Variants in INTS7 observed in about 807,000 individuals in gnomAD.
INTS7 encodes the protein chromosome 1 open reading frame 73.
A neutral mutation model predicts 109.2 loss-of-function variants in INTS7; 46 were observed. That is an observed-to-expected ratio of 0.42 (90% CI 0.33 to 0.54). The LOEUF is 0.54. Ranked by LOEUF, INTS7 falls within the 20% of genes least tolerant of loss-of-function variation. The pLI, the probability that INTS7 is intolerant of heterozygous loss-of-function variation, is 0.07. For synonymous variants in INTS7, 412 were observed against 402.9 expected, an observed-to-expected ratio of 1.02 and a Z score of -0.27; for missense variants, 929 against 1,132.4, an observed-to-expected ratio of 0.82 and a Z score of 2.58.
chr1:211,955,232 T>C (rs1193920371), intron 16 of INTS7, among the ~76,000 whole-genome samples: 3 of 152,162 alleles, frequency 2.0e-5, no homozygotes, highest in African/African-American at 7.2e-5. Context: ...GTGATTTTTG[T>C]ACATTGATTT....
intron 13 of INTS7, among the ~76,000 whole-genome samples, chr1:211,974,400 T>G (rs1352860844): frequency 6.7e-6 from 1 of 150,136 alleles, no homozygotes; most frequent in Non-Finnish European, 1.5e-5. Context: ...TCTTTTGAGA[T>G]AGGCCACCAT....
Position 211,942,595 on chromosome 1 carries a change from T to G in INTS7, c.2602-484A>C, listed in dbSNP as rs1043557618. 2.0e-5 allele frequency among the ~76,000 whole-genome samples: 3 copies of G among 152,150 alleles called. No individual in the cohort carries two copies. The highest frequency in any genetic ancestry group is 4.4e-5 in the Non-Finnish European group (3 of 68,024). The stretch of plus-strand genomic sequence containing the variant: ...AAACACTAAGCAAATTTAAGTTAGG[T>G]TCCCCCCCAACAGTTAGTCTGATTT... On this transcript the variant is annotated intron_variant, in intron 19 of 19. Coordinates refer to ENST00000366994, the MANE Select transcript of INTS7 (RefSeq NM_015434.4). The surrounding 1 kb of genome is among the most constrained non-coding windows in gnomAD (Gnocchi z 4.2).
At position 211,940,996 on chromosome 1, in the gene INTS7, T is replaced by G. The variant is rs1053105069; in HGVS notation, c.*828A>C. ...AAGACTGCTTTAGCACAGGAAGAGATAAATATGTGGTTGAACTAATACAGC... is the reference window on the plus strand; with the variant it reads ...AAGACTGCTTTAGCACAGGAAGAGAGAAATATGTGGTTGAACTAATACAGC... On this transcript the variant is annotated 3_prime_UTR_variant, in exon 20 of 20. Coordinates refer to ENST00000366994, the MANE Select transcript of INTS7 (RefSeq NM_015434.4). 4 of 152,250 alleles carry G rather than the reference T, an allele frequency of 2.6e-5. No homozygotes were observed. In the South Asian group the frequency reaches 6.2e-4, roughly 24 times the overall value. 9.4% of individuals were successfully genotyped at this position (152,250 alleles called of 1,614,324 possible). A position where few individuals can be genotyped will look rare whatever the true frequency, so the allele number is the denominator to read the frequency against.
Position 212,011,392 on chromosome 1 carries a change from A to AT in INTS7, c.538dup (p.Ile180AsnfsTer3). The AT allele has an allele frequency of 6.3e-7, 1 of 1,580,380 alleles. No homozygotes were observed. Among genetic ancestry groups the AT allele is most frequent in the Non-Finnish European group, 8.7e-7 (1 of 1,154,112 alleles). On this transcript the variant is annotated frameshift_variant, in exon 5 of 20. Transcript: ENST00000366994. LOFTEE classifies it high-confidence loss of function. Reference sequence around the variant, plus strand: ...ATACATACCTTGAATCATTTCACTGATTTTGTTACAGATTCCTACAGCAAA... The same window carrying AT: ...ATACATACCTTGAATCATTTCACTGATTTTTGTTACAGATTCCTACAGCAAA...
Position 211,940,623 on chromosome 1 carries a change from G to A in INTS7, c.*1201C>T, listed in dbSNP as rs1662588543. 2 of 152,114 alleles carry A rather than the reference G, an allele frequency of 1.3e-5. No individual in the cohort carries two copies. Among genetic ancestry groups the A allele is most frequent in the Admixed American group, 1.3e-4 (2 of 15,270 alleles). 9.4% of individuals were successfully genotyped at this position (152,114 alleles called of 1,614,324 possible). A position where few individuals can be genotyped will look rare whatever the true frequency, so the allele number is the denominator to read the frequency against. On this transcript the variant is annotated 3_prime_UTR_variant, in exon 20 of 20. Transcript: ENST00000366994. ...TGCTAAGAAAGTCTATTTTATCATG[G>A]TTTTCAACCAGAATTAAAATAGGAA...
intron 16 of INTS7, among the ~76,000 whole-genome samples, chr1:211,953,046 C>T (rs1663178993): frequency 6.6e-6 from 1 of 152,138 alleles, no homozygotes; most frequent in South Asian, 2.1e-4. Flanking sequence ...AAGCTCCAAA[C>T]CATCCATAAA....
chr1:211,941,845 G>C lies in INTS7; in HGVS notation c.2868C>G (p.Arg956=), dbSNP rs1662645194. The C allele has an allele frequency of 1.2e-6, 2 of 1,614,114 alleles. No homozygotes were observed. The highest frequency in any genetic ancestry group is 2.2e-5 in the South Asian group (2 of 91,054). Residue 956 remains arginine (R), a synonymous_variant, in exon 20 of 20, where the codon CGC becomes CGG. Transcript: ENST00000366994. ...ATGGTTAAAACCGTGTGTAGGCATT[G>C]CGTTGCTGCTGCTGCTGTAATGGCT... The part of the protein sequence containing the change: ...AQQPLQQQQQ[R]NAYTRF
At chr1:211,983,410 A>G (rs1190962742) in intron 8 of INTS7, among the ~76,000 whole-genome samples, 2 of 152,162 alleles carry the variant, frequency 1.3e-5, no homozygotes, top group Non-Finnish European at 2.9e-5. Context: ...TGCCCCTGTT[A>G]TTATACTCTT....
chr1:211,948,340 G>A (rs1165779718), intron 17 of INTS7, among the ~76,000 whole-genome samples: 1 of 152,218 alleles, frequency 6.6e-6, no homozygotes, highest in Non-Finnish European at 1.5e-5. Flanking sequence ...AGATTTAACT[G>A]TTAAAATAGC....
intron 10 of INTS7, among the ~76,000 whole-genome samples, chr1:211,980,199 G>A (rs1012238290): frequency 6.6e-6 from 1 of 152,068 alleles, no homozygotes; most frequent in Non-Finnish European, 1.5e-5. Flanking sequence ...CTTCTTATTA[G>A]CTGTCACTTA....
chr1:211,985,933 TGAAAGCACCC>T (rs750468359), intron 8 of INTS7, among the ~76,000 whole-genome samples: 7 of 152,178 alleles, frequency 4.6e-5, no homozygotes, highest in Non-Finnish European at 1.0e-4. Context: ...AAGAATACAT[TGAAAGCACCC>T]TAGGTATATG....
chr1:211,994,288 G>A (rs1383918155), intron 7 of INTS7, among the ~76,000 whole-genome samples: 7 of 151,868 alleles, frequency 4.6e-5, no homozygotes, highest in Non-Finnish European at 7.4e-5. Context: ...AGGTTAAATC[G>A]TTAGAATTGT....
At chr1:211,968,395 A>T (rs1423965769) in intron 14 of INTS7, 118 bp downstream of exon 14, 2 of 840,404 alleles carry the variant, frequency 2.4e-6, no homozygotes, top group African/African-American at 1.7e-5. Context: ...TTGAGTGAAT[A>T]AACATTTATG....
chr1:212,001,347 G>A (rs548479457), intron 7 of INTS7, among the ~76,000 whole-genome samples: 14 of 152,104 alleles, frequency 9.2e-5, no homozygotes, highest in Non-Finnish European at 1.5e-4. Context: ...CACCACGCCC[G>A]GCCCAGAATT....
chr1:211,999,499 T>G (rs980645762), intron 7 of INTS7, among the ~76,000 whole-genome samples: 1 of 152,180 alleles, frequency 6.6e-6, no homozygotes, highest in Non-Finnish European at 1.5e-5. Context: ...CTGGGGGTAA[T>G]GAAAATGTTC....
intron 1 of INTS7, among the ~76,000 whole-genome samples, chr1:212,034,850 T>G (rs948987264): frequency 6.6e-6 from 1 of 152,230 alleles, no homozygotes; most frequent in Non-Finnish European, 1.5e-5. Context: ...CCGCAGAGAA[T>G]GAGCAGGGCC....
intron 6 of INTS7, among the ~76,000 whole-genome samples, chr1:212,007,012 C>T (rs1237070281): frequency 4.0e-5 from 6 of 149,952 alleles, no homozygotes; most frequent in East Asian, 1.9e-4. Flanking sequence ...TTTTTTTATA[C>T]GGCCAACTTC....
Position 211,941,582 on chromosome 1 carries a change from A to T in INTS7, c.*242T>A, listed in dbSNP as rs1662631004. The T allele has an allele frequency of 1.9e-6, 1 of 517,160 alleles. No individual in the cohort carries two copies. The highest frequency in any genetic ancestry group is 3.4e-6 in the Non-Finnish European group (1 of 291,900). The allele number at this position is 517,160 out of a possible 1,614,324, so 32.0% of individuals were successfully genotyped here. A position where few individuals can be genotyped will look rare whatever the true frequency, so the allele number is the denominator to read the frequency against. On this transcript the variant is annotated 3_prime_UTR_variant, in exon 20 of 20. Coordinates refer to ENST00000366994, the MANE Select transcript of INTS7 (RefSeq NM_015434.4). ...CACTGTGTTAGCCAGGATGGTCTTG[A>T]TCTCCTCGTGAGCCGCCCACCTCAG...
intron 7 of INTS7, among the ~76,000 whole-genome samples, chr1:211,992,044 T>C (rs1316989488): frequency 6.6e-6 from 1 of 152,210 alleles, no homozygotes; most frequent in Non-Finnish European, 1.5e-5. Flanking sequence ...TTCAAAAGAA[T>C]GCATTTTAAA....
Sources: allele counts gnomAD v4.1 joint callset (sites outside exome capture counted in the v4.1 genomes callset), GRCh38; gene constraint gnomAD v4.1.1; non-coding constraint Gnocchi (gnomAD v3.1); transcripts MANE v1.5; gene names NCBI Gene and HGNC (gene_info 2026-07-23, HGNC 2026-07-21).